CTSB: variants seen among roughly 807,000 people sequenced by gnomAD.
The protein encoded by CTSB is APP secretase.
CTSB carries 57 observed loss-of-function variants against 44.3 expected under a neutral mutation model. The observed-to-expected ratio is 1.29, with a 90% confidence interval of 1.04 to 1.60. The LOEUF is 1.60. CTSB is among the 40% of genes most tolerant of loss of function. CTSB has a pLI of 0.00. For synonymous variants in CTSB, 320 were observed against 168.0 expected (o/e 1.91, Z -7.00); for missense variants, 768 against 443.0 (o/e 1.73, Z -6.59).
chr8:11,850,940 C>G lies in CTSB; in HGVS notation c.253G>C (p.Asp85His). 1 of 1,613,358 alleles carries G rather than the reference C, an allele frequency of 6.2e-7. No individual in the cohort carries two copies. Among genetic ancestry groups the G allele is most frequent in the Non-Finnish European group, 8.5e-7 (1 of 1,179,530 alleles). Residue 85 changes from aspartate to histidine, a missense_variant, in exon 4 of 10, where the codon GAT becomes CAT. Transcript: ENST00000353047. The stretch of plus-strand genomic sequence containing the variant: ...CACTGTGGCCATTGTTCCCGTGCAT[C>G]GAAGCTTGCAGGCAGCTTCAGGTCC... ...TEDLKLPASFDAREQWPQCPT... is the reference protein window; with the variant it reads ...TEDLKLPASFHAREQWPQCPT...
intron 4 of CTSB, chr8:11,850,490 T>C (rs924506710): frequency 6.3e-6 from 1 of 159,454 alleles, no homozygotes; most frequent in Non-Finnish European, 1.4e-5. Flanking sequence ...TACATTTCTG[T>C]TACGTGTATT....
intron 1 of CTSB, 40 bp from the exon 2 acceptor site, chr8:11,853,519 G>A: frequency 1.9e-6 from 3 of 1,566,186 alleles, no homozygotes; most frequent in Non-Finnish European, 1.7e-6. Context: ...TCTCTGTTAT[G>A]TGGGTCGAGG....
At chr8:11,851,175 A>AT (rs111617575) in intron 3 of CTSB, among the ~76,000 whole-genome samples, 195 bp from the exon 4 acceptor site, 4,433 of 98,668 alleles carry the variant, frequency 0.045, 96 homozygotes, top group Non-Finnish European at 0.061. Flanking sequence ...GCACCTTTTG[A>AT]TTTTTTTTTT....
chr8:11,864,318 GAAAAAAAAAAA>G (rs35885912), intron 1 of CTSB: 1 of 45,570 alleles, frequency 2.2e-5, no homozygotes, highest in African/African-American at 1.0e-4. Flanking sequence ...CTCTACCAAC[GAAAAAAAAAAA>G]AAAAAAAAAA....
rs761764219 is a variant in CTSB at position 11,850,899 on chromosome 8, C to A, written c.294G>T (p.Glu98Asp). The A allele has an allele frequency of 3.1e-6, 5 of 1,613,444 alleles. No homozygotes were observed. The South Asian group carries it at 3.3e-5, about 11-fold the overall frequency. The change falls in exon 4 of 10, where the codon GAG becomes GAT. Residue 98 changes from glutamate to aspartate, a missense_variant. Physicochemically the swap from Glu to Asp is conservative, Grantham distance 45. Transcript: ENST00000353047. ...EQWPQCPTIK[E>D]IRDQGSCGSC... ...AGCCACAGGAGCCCTGGTCTCTGAT[C>A]TCTTTGATGGTGGGACACTGTGGCC...
chr8:11,848,274 C>G, intron 5 of CTSB, 122 bp from the exon 6 acceptor site: 1 of 826,596 alleles, frequency 1.2e-6, no homozygotes, highest in Non-Finnish European at 2.1e-6. Flanking sequence ...GCAAGTGGTG[C>G]GAGCAGACCT....
chr8:11,846,432 C>T (rs559059717), intron 8 of CTSB: 2 of 152,428 alleles, frequency 1.3e-5, no homozygotes, highest in East Asian at 3.9e-4. Flanking sequence ...TACAAGTTTC[C>T]AATCTAGCAA....
At chr8:11,848,018 T>C (rs1256061421) in intron 6 of CTSB, 49 bp downstream of exon 6, 12 of 1,483,188 alleles carry the variant, frequency 8.1e-6, no homozygotes, top group Non-Finnish European at 1.0e-5. Flanking sequence ...GATGGTTAAT[T>C]GCTCAAACAA....
chr8:11,863,447 GAC>G, intron 1 of CTSB, among the ~76,000 whole-genome samples: 16 of 151,324 alleles, frequency 1.1e-4, no homozygotes, highest in African/African-American at 3.9e-4. Flanking sequence ...GACACAGTGA[GAC>G]TCCGTTTCAA....
chr8:11,852,819 T>C, intron 2 of CTSB, 124 bp from the exon 3 acceptor site: 1 of 820,842 alleles, frequency 1.2e-6, no homozygotes, highest in South Asian at 1.7e-5. Context: ...GGCCCAAGGG[T>C]TGGGGGGCAC....
At chr8:11,846,081 AATGCTAG>A (rs1270112439) in intron 8 of CTSB, 27 of 230,408 alleles carry the variant, frequency 1.2e-4, no homozygotes, top group Non-Finnish European at 1.9e-4. Context: ...TAAAACATTT[AATGCTAG>A]ATGACTGATT....
At chr8:11,866,347 C>T (rs1221420644) in intron 1 of CTSB, among the ~76,000 whole-genome samples, 1 of 152,250 alleles carries the variant, frequency 6.6e-6, no homozygotes, top group African/African-American at 2.4e-5. Flanking sequence ...GAGCCAACAC[C>T]CAGGAGAGCT....
chr8:11,864,680 G>A (rs1412252706), intron 1 of CTSB, among the ~76,000 whole-genome samples: 1 of 152,112 alleles, frequency 6.6e-6, no homozygotes, highest in East Asian at 1.9e-4. Flanking sequence ...CACATGGCTG[G>A]GCACAGTGAC....
chr8:11,866,744 C>T (rs770305407), intron 1 of CTSB, among the ~76,000 whole-genome samples: 65 of 152,294 alleles, frequency 4.3e-4, no homozygotes, highest in Admixed American at 1.2e-3. Context: ...CCTGTAATCC[C>T]AGCTACTCGG....
rs772885286 is a variant in CTSB at position 11,847,122 on chromosome 8, G to A, written c.723C>T (p.Ala241=). 8 of 1,613,692 alleles carry A rather than the reference G, an allele frequency of 5.0e-6. 1 individual carries two copies. The highest frequency in any genetic ancestry group is 3.3e-5 in the South Asian group (3 of 91,068). The change falls in exon 8 of 10, where the codon GCC becomes GCT. Residue 241 remains alanine (A), a synonymous_variant. Coordinates refer to ENST00000353047, the MANE Select transcript of CTSB (RefSeq NM_001908.5). ...SVSNSEKDIM[A]EIYKNGPVEG... ...CCACGGGGCCGTTTTTGTAGATCTC[G>A]GCCATGATGTCCTTCTCGCTATTGG...
At position 11,859,586 on chromosome 8, in the gene CTSB, G is replaced by A. The variant is rs564264452; in HGVS notation, c.-25-6107C>T. On this transcript the variant is annotated intron_variant, in intron 1 of 9. Transcript: ENST00000353047. The stretch of plus-strand genomic sequence containing the variant: ...GACCAGCCTGTCTCTACTAAACAAG[G>A]TGAAACTCCTGTCTCTACTAAAAAT... Among the ~76,000 whole-genome samples the A allele has an allele frequency of 3.3e-5, 5 of 151,036 alleles. No individual in the cohort carries two copies. The East Asian group carries it at 7.8e-4, about 24-fold the overall frequency.
intron 1 of CTSB, chr8:11,853,839 C>G (rs1475960747): frequency 5.7e-6 from 1 of 175,470 alleles, no homozygotes; most frequent in Non-Finnish European, 1.2e-5. Context: ...AAGAGCCTGT[C>G]TGTGTGATTA....
In CTSB at chr8:11,853,392, G is replaced by C. The variant is rs1189705436; in HGVS notation, c.63C>G (p.Pro21=). Residue 21 remains proline (P), a synonymous_variant, in exon 2 of 10, where the codon CCC becomes CCG. Transcript: ENST00000353047. ...LLVLANARSR[P]SFHPLSDELV... ...GCTCATCCGACAGGGGATGGAAAGA[G>C]GGCCTGCTCCGGGCATTGGCCAACA... 21 of 1,612,908 alleles carry C rather than the reference G, an allele frequency of 1.3e-5. No individual in the cohort carries two copies. The highest frequency in any genetic ancestry group is 1.7e-5 in the Non-Finnish European group (20 of 1,179,752).
chr8:11,844,357 T>A lies in CTSB; in HGVS notation c.*768A>T, dbSNP rs1812828834. Reference sequence around the variant, plus strand: ...AACTTTTATTGGCACAGGCATTCCTTGTTAACTTGACAGGGTGAAGCTGTA... The same window carrying A: ...AACTTTTATTGGCACAGGCATTCCTAGTTAACTTGACAGGGTGAAGCTGTA... On this transcript the variant is annotated 3_prime_UTR_variant, in exon 10 of 10. Coordinates refer to ENST00000353047, the MANE Select transcript of CTSB (RefSeq NM_001908.5). The A allele has an allele frequency of 1.3e-5, 2 of 151,336 alleles. No individual in the cohort carries two copies. The highest frequency in any genetic ancestry group is 4.2e-4 in the South Asian group (2 of 4,744). The allele number at this position is 151,336 out of a possible 1,614,324, so 9.4% of individuals were successfully genotyped here. A position where few individuals can be genotyped will look rare whatever the true frequency, so the allele number is the denominator to read the frequency against.
Sources: gnomAD v4.1 joint callset for allele counts (sites outside exome capture counted in the v4.1 genomes callset) on GRCh38, gnomAD v4.1.1 for gene constraint, MANE v1.5 for transcripts, NCBI Gene and HGNC (gene_info 2026-07-23, HGNC 2026-07-21) for gene names.